Variants in ZNF713 observed in about 807,000 individuals in gnomAD.
ZNF713 encodes the protein zinc finger protein 713.
In ZNF713, 21 loss-of-function variants were observed where a neutral mutation model predicts 28.7. That is an observed-to-expected ratio of 0.73 (90% CI 0.52 to 1.05). ZNF713 has a LOEUF of 1.05. Ranked by LOEUF, ZNF713 falls within the 50% of genes least tolerant of loss-of-function variation. The probability of loss-of-function intolerance (pLI) is 0.00; values close to 1 mark genes in which losing one functional copy is unlikely to be tolerated. For missense variants in ZNF713, 458 were observed against 532.4 expected, an observed-to-expected ratio of 0.86 and a Z score of 1.37; for synonymous variants, 167 against 178.0, an observed-to-expected ratio of 0.94 and a Z score of 0.49.
chr7:55,906,919 C>G (rs1194371709), intron 2 of ZNF713, among the ~76,000 whole-genome samples: 1 of 152,100 alleles, frequency 6.6e-6, no homozygotes, highest in Non-Finnish European at 1.5e-5. Context: ...AAGAGGAGAC[C>G]TACTTTAGGT....
intron 6 of ZNF713, among the ~76,000 whole-genome samples, chr7:55,933,378 C>T (rs1036584779): frequency 6.6e-6 from 1 of 151,596 alleles, no homozygotes; most frequent in African/African-American, 2.4e-5. Flanking sequence ...ACTCTGCAAC[C>T]TCCACCTCCT....
At chr7:55,930,660 G>C (rs1408922354) in intron 6 of ZNF713, among the ~76,000 whole-genome samples, 2 of 152,156 alleles carry the variant, frequency 1.3e-5, no homozygotes, top group African/African-American at 4.8e-5. Flanking sequence ...TCGGGAGGCT[G>C]AGTGTTGAGC....
chr7:55,906,270 A>G lies in ZNF713; in HGVS notation c.-565A>G, dbSNP rs1020478121. On this transcript the variant is annotated 5_prime_UTR_variant, in exon 2 of 7. Transcript: ENST00000429591. ...CCTTTTAGGTCAACATACCTGGCCT[A>G]AGGAGGCAGGATTGAGTGACTCTCA... 1.3e-5 allele frequency: 2 copies of G among 152,158 alleles called. No individual in the cohort carries two copies. The highest frequency in any genetic ancestry group is 4.8e-5 in the African/African-American group (2 of 41,444). The allele number at this position is 152,158 out of a possible 1,614,324, so 9.4% of individuals were successfully genotyped here. A position where few individuals can be genotyped will look rare whatever the true frequency, so the allele number is the denominator to read the frequency against.
At chr7:55,921,287 G>A (rs553459625) in intron 4 of ZNF713, among the ~76,000 whole-genome samples, 4 of 152,228 alleles carry the variant, frequency 2.6e-5, no homozygotes, top group African/African-American at 9.6e-5. Flanking sequence ...TGCTGTTTTC[G>A]TGCCCACTAA....
intron 2 of ZNF713, among the ~76,000 whole-genome samples, chr7:55,907,211 A>G (rs879308068): frequency 5.3e-5 from 8 of 152,154 alleles, no homozygotes; most frequent in Non-Finnish European, 1.0e-4. Context: ...CTTTTGTAGA[A>G]GGAGCACTGT....
intron 1 of ZNF713, 43 bp downstream of exon 1, chr7:55,887,723 GGGGGGCGGA>G: frequency 0.018 from 187 of 10,466 alleles, 53 homozygotes; most frequent in African/African-American, 0.082. Context: ...AGGCGGAGGC[GGGGGGCGGA>G]GGCGGGGGGC....
chr7:55,933,951 C>A (rs1323233790), intron 6 of ZNF713, among the ~76,000 whole-genome samples: 2 of 152,102 alleles, frequency 1.3e-5, no homozygotes, highest in Non-Finnish European at 2.9e-5. Flanking sequence ...AGCATTTGCC[C>A]ACCTTGGCCT....
intron 6 of ZNF713, among the ~76,000 whole-genome samples, chr7:55,934,091 ATAATT>A (rs1180446817): frequency 6.6e-6 from 1 of 152,192 alleles, no homozygotes; most frequent in East Asian, 1.9e-4. Context: ...CTTAGGAAGA[ATAATT>A]TAGTTTTATT....
chr7:55,931,445 A>G (rs1179688233), intron 6 of ZNF713, among the ~76,000 whole-genome samples: 1 of 152,202 alleles, frequency 6.6e-6, no homozygotes, highest in Non-Finnish European at 1.5e-5. Flanking sequence ...AAATTGACGC[A>G]TTTTTAAATT....
At chr7:55,899,356 C>CAAAA in intron 1 of ZNF713, among the ~76,000 whole-genome samples, 1 of 68,932 alleles carries the variant, frequency 1.5e-5, no homozygotes, top group Non-Finnish European at 2.5e-5. Context: ...GATTCCATCT[C>CAAAA]AAAAAAAAAA....
intron 4 of ZNF713, among the ~76,000 whole-genome samples, chr7:55,919,508 T>TGTTTTTTTTTTG (rs1374286021): frequency 2.5e-4 from 22 of 89,530 alleles, no homozygotes; most frequent in South Asian, 1.9e-3. Context: ...TTTTTTTTTT[T>TGTTTTTTTTTTG]TTTTTTTTTT....
Position 55,900,788 on chromosome 7 carries a change from CTA to C in ZNF713, c.-582-5464_-582-5463del, listed in dbSNP as rs535443905. ...AGTGATCTATTACACAGAATGATGA[CTA>C]AAATAATAAAATAACAATGCATTGT... On this transcript the variant is annotated intron_variant, in intron 1 of 6. Transcript: ENST00000429591. Among the ~76,000 whole-genome samples, 45 of 152,238 alleles carry C rather than the reference CTA, an allele frequency of 3.0e-4. 1 individual carries two copies. The East Asian group carries it at 8.3e-3, about 28-fold the overall frequency.
intron 4 of ZNF713, chr7:55,918,443 A>C: frequency 5.7e-6 from 1 of 175,918 alleles, no homozygotes; most frequent in South Asian, 1.4e-4. Flanking sequence ...TTATGCAGCA[A>C]GATAATTGTT....
At chr7:55,910,856 C>A (rs992765435) in intron 2 of ZNF713, among the ~76,000 whole-genome samples, 2 of 152,178 alleles carry the variant, frequency 1.3e-5, no homozygotes, top group Non-Finnish European at 2.9e-5. Flanking sequence ...CTTCCCTCAG[C>A]CTTCCCCTCC....
intron 4 of ZNF713, among the ~76,000 whole-genome samples, chr7:55,913,252 A>T (rs1417905930): frequency 1.6e-5 from 2 of 122,344 alleles, no homozygotes; most frequent in Non-Finnish European, 3.1e-5. Flanking sequence ...CCCAGGCTGG[A>T]GTGCAGTGGC....
chr7:55,893,282 G>A (rs1785421553), intron 1 of ZNF713, among the ~76,000 whole-genome samples: 1 of 152,142 alleles, frequency 6.6e-6, no homozygotes, highest in Admixed American at 6.5e-5. Context: ...GCTTAGGAAT[G>A]GACATCCATG....
At chr7:55,934,827 C>A (rs1402118034) in intron 6 of ZNF713, among the ~76,000 whole-genome samples, 1 of 150,958 alleles carries the variant, frequency 6.6e-6, no homozygotes, top group African/African-American at 2.4e-5. Context: ...TTTAAGAGAA[C>A]AATTTGACAG....
chr7:55,932,377 A>AG (rs1384560831), intron 6 of ZNF713, among the ~76,000 whole-genome samples: 23 of 151,338 alleles, frequency 1.5e-4, no homozygotes, highest in Admixed American at 1.5e-3. Flanking sequence ...AAAAAAAAAA[A>AG]GGCAGGGTAT....
At chr7:55,904,691 G>C (rs943735900) in intron 1 of ZNF713, among the ~76,000 whole-genome samples, 1 of 151,898 alleles carries the variant, frequency 6.6e-6, no homozygotes, top group Non-Finnish European at 1.5e-5. Context: ...TGCAAAAGGG[G>C]TGTGTGGCCA....
Sources: allele counts gnomAD v4.1 joint callset (sites outside exome capture counted in the v4.1 genomes callset), GRCh38; gene constraint gnomAD v4.1.1; transcripts MANE v1.5; gene names NCBI Gene and HGNC (gene_info 2026-07-23, HGNC 2026-07-21).